The following MOSPD2 variants were observed in gnomAD, a reference collection of about 807,000 sequenced individuals.
MOSPD2 encodes motile sperm domain containing 2.
A neutral mutation model predicts 41.7 loss-of-function variants in MOSPD2; 5 were observed. The ratio of observed to expected loss-of-function variants is 0.12; its 90% confidence interval spans 0.06 to 0.25. The LOEUF is 0.25. Ranked by LOEUF, MOSPD2 falls within the 10% of genes least tolerant of loss-of-function variation. MOSPD2 has a pLI of 1.00. For synonymous variants in MOSPD2, 115 were observed against 126.9 expected (o/e 0.91, Z 0.63); for missense variants, 282 against 375.2 (o/e 0.75, Z 2.05).
intron 2 of MOSPD2, among the ~76,000 whole-genome samples, chrX:14,879,852 G>A (rs1249327372): frequency 1.8e-5 from 2 of 110,771 alleles, no homozygotes; most frequent in African/African-American, 6.6e-5. Context: ...TTGCCCATCT[G>A]ATGGGCATGT....
chrX:14,874,050 A>G, intron 2 of MOSPD2: 1 of 353,247 alleles, frequency 2.8e-6, no homozygotes, highest in Non-Finnish European at 5.0e-6. Context: ...TGTTAGGCCC[A>G]CAACACGGGT....
chrX:14,888,464 A>G (rs1602026164), intron 2 of MOSPD2, among the ~76,000 whole-genome samples: 1 of 109,502 alleles, frequency 9.1e-6, no homozygotes, highest in African/African-American at 3.3e-5. Context: ...TCCCTGCACA[A>G]CCTCTCTCTT....
intron 2 of MOSPD2, among the ~76,000 whole-genome samples, chrX:14,874,736 T>C (rs146660421): frequency 2.4e-3 from 272 of 111,675 alleles, no homozygotes; most frequent in Middle Eastern, 0.019. Context: ...TATACATCAG[T>C]TGATGACATA....
chrX:14,907,674 T>A (rs2092584570), intron 7 of MOSPD2, among the ~76,000 whole-genome samples: 1 of 111,659 alleles, frequency 9.0e-6, no homozygotes. Context: ...AGAAAATAGA[T>A]TAGTAGTTGC....
intron 7 of MOSPD2, among the ~76,000 whole-genome samples, chrX:14,904,700 A>G (rs1040423022): frequency 8.9e-6 from 1 of 112,111 alleles, no homozygotes; most frequent in Non-Finnish European, 1.9e-5. Flanking sequence ...CCAAGGAAGT[A>G]CCAAATGTTG....
intron 2 of MOSPD2, among the ~76,000 whole-genome samples, chrX:14,890,252 T>C (rs1204113360): frequency 9.0e-6 from 1 of 111,492 alleles, no homozygotes; most frequent in Admixed American, 9.5e-5. Flanking sequence ...TAAATTGTAT[T>C]AAGTTTTGAC....
intron 11 of MOSPD2, chrX:14,915,356 T>A (rs1340751314): frequency 8.8e-6 from 1 of 113,525 alleles, no homozygotes; most frequent in Non-Finnish European, 1.8e-5. Flanking sequence ...GGGGAAAAAA[T>A]ACCTTCTATG....
chrX:14,917,771 A>G (rs752243765), intron 13 of MOSPD2, among the ~76,000 whole-genome samples: 2 of 111,877 alleles, frequency 1.8e-5, no homozygotes, highest in South Asian at 3.7e-4. Context: ...TGTAATCCCA[A>G]CACTTTGCGA....
intron 8 of MOSPD2, among the ~76,000 whole-genome samples, chrX:14,909,391 G>A (rs1250476725): frequency 9.0e-6 from 1 of 111,023 alleles, no homozygotes; most frequent in African/African-American, 3.3e-5. Context: ...GTGTATTTAT[G>A]TGCTAGTGTG....
chrX:14,908,671 C>G (rs2092586428), intron 7 of MOSPD2, among the ~76,000 whole-genome samples, 189 bp from the exon 8 acceptor site: 1 of 111,230 alleles, frequency 9.0e-6, no homozygotes, highest in East Asian at 2.8e-4. Context: ...CATTTGAAAC[C>G]CATAAGGGAG....
intron 2 of MOSPD2, among the ~76,000 whole-genome samples, chrX:14,879,349 T>A (rs2092527329): frequency 9.0e-6 from 1 of 110,764 alleles, no homozygotes; most frequent in Non-Finnish European, 1.9e-5. Flanking sequence ...TTGCAAGGAG[T>A]TTGAGAGGTT....
intron 3 of MOSPD2, 60 bp downstream of exon 3, chrX:14,892,938 A>G: frequency 1.2e-6 from 1 of 853,719 alleles, no homozygotes; most frequent in Non-Finnish European, 1.7e-6. Flanking sequence ...ATTGTTTTAC[A>G]TTTATCTAAT....
At chrX:14,886,883 A>G (rs1366798621) in intron 2 of MOSPD2, among the ~76,000 whole-genome samples, 1 of 112,406 alleles carries the variant, frequency 8.9e-6, no homozygotes, top group Non-Finnish European at 1.9e-5. Flanking sequence ...TAATCCCATT[A>G]TAAAAGATTA....
At chrX:14,914,682 G>A (rs2092597311) in intron 11 of MOSPD2, 83 bp downstream of exon 11, 2 of 568,675 alleles carry the variant, frequency 3.5e-6, no homozygotes. Context: ...TTGAAAGATT[G>A]AAAATTTTGA....
At chrX:14,899,377 G>A (rs887039080) in intron 5 of MOSPD2, among the ~76,000 whole-genome samples, 3 of 108,340 alleles carry the variant, frequency 2.8e-5, no homozygotes, top group African/African-American at 1.0e-4. Context: ...AAGTCTCTGG[G>A]GGCCATAAAT....
chrX:14,913,130 A>C (rs1228481399), intron 10 of MOSPD2, among the ~76,000 whole-genome samples: 21 of 112,355 alleles, frequency 1.9e-4, no homozygotes, highest in Admixed American at 1.5e-3. Flanking sequence ...GAAAGACAGC[A>C]AGCAAGAGAG....
intron 2 of MOSPD2, among the ~76,000 whole-genome samples, chrX:14,891,858 C>T (rs1463297821): frequency 8.9e-6 from 1 of 111,742 alleles, no homozygotes. Context: ...TGAGCCACCA[C>T]ACCTGGCCTA....
intron 13 of MOSPD2, 95 bp downstream of exon 13, chrX:14,916,421 C>A: frequency 8.7e-7 from 1 of 1,151,252 alleles, no homozygotes; most frequent in East Asian, 3.0e-5. Flanking sequence ...TTTCTTCTTG[C>A]ATCTGCTGGG....
At chrX:14,898,385 A>G (rs1045543771) in intron 5 of MOSPD2, among the ~76,000 whole-genome samples, 1 of 83,297 alleles carries the variant, frequency 1.2e-5, no homozygotes, top group African/African-American at 4.7e-5. Flanking sequence ...TACATAGCCC[A>G]ACAAAGGAAA....
Sources: gnomAD v4.1 joint callset for allele counts (sites outside exome capture counted in the v4.1 genomes callset) on GRCh38, gnomAD v4.1.1 for gene constraint, MANE v1.5 for transcripts, NCBI Gene and HGNC (gene_info 2026-07-23, HGNC 2026-07-21) for gene names.